FANCC: variants seen among roughly 807,000 people sequenced by gnomAD.
FANCC encodes Fanconi anemia group C protein.
Under a neutral mutation model 71.3 loss-of-function variants are expected in FANCC, and 55 were observed. The ratio of observed to expected loss-of-function variants is 0.77; its 90% confidence interval spans 0.62 to 0.97. The LOEUF is 0.97. Among genes scored for constraint, FANCC ranks in the 50% least tolerant of loss-of-function variants. FANCC has a pLI of 0.00. For missense variants in FANCC, 678 were observed against 670.9 expected (o/e 1.01, Z -0.12); for synonymous variants, 275 against 244.9 (o/e 1.12, Z -1.15).
intron 1 of FANCC, among the ~76,000 whole-genome samples, chr9:95,291,677 G>A (rs1204299064): frequency 6.6e-6 from 1 of 152,050 alleles, no homozygotes. Flanking sequence ...GCTGGGCACA[G>A]TGACTCATGC....
At chr9:95,200,832 A>G (rs1373541419) in intron 4 of FANCC, among the ~76,000 whole-genome samples, 3 of 152,222 alleles carry the variant, frequency 2.0e-5, no homozygotes, top group African/African-American at 7.2e-5. Context: ...TTTTCTTAAA[A>G]AATATACTCA....
chr9:95,270,106 A>G (rs1005432387), intron 1 of FANCC, among the ~76,000 whole-genome samples: 17 of 152,202 alleles, frequency 1.1e-4, no homozygotes, highest in Admixed American at 2.0e-4. Context: ...TTCTTAGTAC[A>G]TAACAAAATG....
chr9:95,171,379 T>A (rs1825666889), intron 5 of FANCC, among the ~76,000 whole-genome samples: 1 of 152,048 alleles, frequency 6.6e-6, no homozygotes, highest in South Asian at 2.1e-4. Context: ...AATAGACAGG[T>A]CATTAATTTC....
intron 10 of FANCC, among the ~76,000 whole-genome samples, chr9:95,117,787 G>A (rs1358168293): frequency 2.0e-5 from 3 of 147,760 alleles, no homozygotes; most frequent in Non-Finnish European, 4.5e-5. Flanking sequence ...GCAATGGCGC[G>A]ATCTCAGCTC....
rs147577606 is a variant in FANCC, at chr9:95,255,880, G to A, written c.-78-6511C>T. 7.9e-5 allele frequency among the ~76,000 whole-genome samples: 12 copies of A among 151,766 alleles called. 1 individual carries two copies. In the East Asian group the frequency reaches 1.8e-3, roughly 22 times the overall value. On this transcript the variant is annotated intron_variant, in intron 1 of 14. Transcript: ENST00000289081. Reference sequence around the variant, plus strand: ...GAAAAACACGTCATGAGAACTTCGTGAAGCATACACAAGTATCAATAGTTG... The same window carrying A: ...GAAAAACACGTCATGAGAACTTCGTAAAGCATACACAAGTATCAATAGTTG...
chr9:95,294,451 C>T, intron 1 of FANCC: 1 of 1,601,516 alleles, frequency 6.2e-7, no homozygotes, highest in Non-Finnish European at 8.5e-7. Context: ...CAGACAAACA[C>T]AGACAGACTT....
intron 4 of FANCC, among the ~76,000 whole-genome samples, chr9:95,190,414 C>A (rs1827015839): frequency 6.6e-6 from 1 of 152,242 alleles, no homozygotes; most frequent in Non-Finnish European, 1.5e-5. Flanking sequence ...TACTCCTCAT[C>A]TCTGTGTTCT....
chr9:95,195,353 C>T (rs1827386420), intron 4 of FANCC, among the ~76,000 whole-genome samples: 1 of 149,708 alleles, frequency 6.7e-6, no homozygotes, highest in Non-Finnish European at 1.5e-5. Flanking sequence ...TGATGTCCAA[C>T]TGCAAAAGCA....
At chr9:95,309,747 T>C (rs12337959) in intron 1 of FANCC, among the ~76,000 whole-genome samples, 34,352 of 152,164 alleles carry the variant, frequency 0.23, 5,042 homozygotes, top group Non-Finnish European at 0.33. Context: ...TCTGATACTA[T>C]ATGTCCAACA....
At chr9:95,241,928 G>A (rs1044222713) in intron 3 of FANCC, among the ~76,000 whole-genome samples, 4 of 152,102 alleles carry the variant, frequency 2.6e-5, no homozygotes, top group Non-Finnish European at 4.4e-5. Flanking sequence ...CCAAAGTGCT[G>A]GGATCACAGG....
At chr9:95,144,266 G>A (rs1013615632) in intron 7 of FANCC, among the ~76,000 whole-genome samples, 3 of 152,180 alleles carry the variant, frequency 2.0e-5, no homozygotes, top group African/African-American at 7.2e-5. Context: ...CCACTGCTTG[G>A]GGAACTTGCT....
intron 7 of FANCC, among the ~76,000 whole-genome samples, chr9:95,144,074 T>TA (rs1829165992): frequency 2.6e-5 from 4 of 151,844 alleles, no homozygotes; most frequent in Admixed American, 6.6e-5. Flanking sequence ...AAACACGGGT[T>TA]AGAGTGCATT....
chr9:95,165,170 T>C (rs1402870723), intron 6 of FANCC, among the ~76,000 whole-genome samples: 2 of 152,002 alleles, frequency 1.3e-5, no homozygotes, highest in East Asian at 1.9e-4. Flanking sequence ...TCTTTTTTTT[T>C]CTTAGTCTAA....
chr9:95,114,968 G>C (rs528030035), intron 11 of FANCC, among the ~76,000 whole-genome samples: 27 of 152,218 alleles, frequency 1.8e-4, no homozygotes, highest in African/African-American at 4.3e-4. Flanking sequence ...TTTAAGACAC[G>C]ATCTTGCTTG....
chr9:95,252,507 G>A (rs939438086), intron 1 of FANCC, among the ~76,000 whole-genome samples: 2 of 151,544 alleles, frequency 1.3e-5, no homozygotes, highest in East Asian at 3.9e-4. Context: ...AGCACTTTGG[G>A]AGGCAGAGAC....
chr9:95,214,823 T>C (rs1360370399), intron 4 of FANCC, among the ~76,000 whole-genome samples: 1 of 152,144 alleles, frequency 6.6e-6, no homozygotes, highest in Non-Finnish European at 1.5e-5. Context: ...AGAGAGAATG[T>C]AGAATGGTGG....
chr9:95,273,948 G>A (rs1306883998), intron 1 of FANCC, among the ~76,000 whole-genome samples: 1 of 152,208 alleles, frequency 6.6e-6, no homozygotes, highest in Non-Finnish European at 1.5e-5. Context: ...AGGCTACCCA[G>A]AAAGATTGTA....
intron 6 of FANCC, among the ~76,000 whole-genome samples, chr9:95,166,785 G>A (rs1222195472): frequency 6.6e-6 from 1 of 152,118 alleles, no homozygotes; most frequent in Non-Finnish European, 1.5e-5. Context: ...ATAGATTTTG[G>A]TATGTGTGGG....
At chr9:95,155,339 G>GAAGA (rs1426650415) in intron 6 of FANCC, among the ~76,000 whole-genome samples, 11 of 45,858 alleles carry the variant, frequency 2.4e-4, no homozygotes, top group African/African-American at 1.1e-3. Context: ...GGAAGGAAGG[G>GAAGA]AGGAAGGGAG....
Sources: allele counts gnomAD v4.1 joint callset (sites outside exome capture counted in the v4.1 genomes callset), GRCh38; gene constraint gnomAD v4.1.1; transcripts MANE v1.5; gene names NCBI Gene and HGNC (gene_info 2026-07-23, HGNC 2026-07-21).